The following HHIP variants were observed in gnomAD, a reference collection of about 807,000 sequenced individuals.
The protein encoded by HHIP is hedgehog-interacting protein.
A neutral mutation model predicts 74.0 loss-of-function variants in HHIP; 12 were observed. The observed-to-expected ratio is 0.16, with a 90% CI of 0.10 to 0.26. HHIP has a LOEUF of 0.26. Ranked by LOEUF, HHIP falls within the 10% of genes least tolerant of loss-of-function variation. The pLI is 1.00. For missense variants in HHIP, 788 were observed against 845.0 expected, an observed-to-expected ratio of 0.93 and a Z score of 0.84; for synonymous variants, 309 against 311.6, an observed-to-expected ratio of 0.99 and a Z score of 0.09.
chr4:144,743,255 A>G lies in HHIP; in HGVS notation c.*5298A>G, dbSNP rs1560729339. The stretch of plus-strand genomic sequence containing the variant: ...CATAGTGGTGGTTTTCCTAGCTGCT[A>G]TGGAAAGGTTTGTTCACTTATGAGA... On this transcript the variant is annotated 3_prime_UTR_variant, in exon 13 of 13. Transcript: ENST00000296575. 1 of 151,248 alleles carries G rather than the reference A, an allele frequency of 6.6e-6. No individual in the cohort carries two copies. The highest frequency in any genetic ancestry group is 1.5e-5 in the Non-Finnish European group (1 of 67,826). 9.4% of individuals were successfully genotyped at this position (151,248 alleles called of 1,614,324 possible). A position where few individuals can be genotyped will look rare whatever the true frequency, so the allele number is the denominator to read the frequency against.
chr4:144,666,327 C>A (rs1284478745), intron 4 of HHIP, among the ~76,000 whole-genome samples: 2 of 148,772 alleles, frequency 1.3e-5, no homozygotes, highest in Non-Finnish European at 3.0e-5. Context: ...ATTCTCTTAG[C>A]AAATTTCAAG....
At chr4:144,649,569 G>A (rs374156120) in intron 1 of HHIP, among the ~76,000 whole-genome samples, 12 of 151,994 alleles carry the variant, frequency 7.9e-5, no homozygotes, top group South Asian at 2.1e-4. Context: ...CAATATTTTC[G>A]CACTTTCTAA....
intron 2 of HHIP, among the ~76,000 whole-genome samples, chr4:144,654,690 C>G (rs756629942): frequency 9.2e-5 from 14 of 152,160 alleles, no homozygotes; most frequent in Non-Finnish European, 1.8e-4. Flanking sequence ...GCCCCCAGCA[C>G]AGAAGTGTCT....
intron 4 of HHIP, chr4:144,661,275 C>T (rs1728706677): frequency 6.6e-6 from 1 of 152,036 alleles, no homozygotes; most frequent in African/African-American, 2.4e-5. Context: ...ATAACAGTAC[C>T]TTGGTTCTGA....
At chr4:144,662,747 T>C (rs1209025550) in intron 4 of HHIP, among the ~76,000 whole-genome samples, 1 of 152,220 alleles carries the variant, frequency 6.6e-6, no homozygotes, top group African/African-American at 2.4e-5. Context: ...TCTGTTGTTA[T>C]CATTTTATTC....
rs914276114 is a variant in HHIP at position 144,744,699 on chromosome 4, C to G, written c.*6742C>G. ...AATCTTCTATTATTCAATCATCTATCCATTTATTAATTCAACAAATATTTA... is the reference window on the plus strand; with the variant it reads ...AATCTTCTATTATTCAATCATCTATGCATTTATTAATTCAACAAATATTTA... On this transcript the variant is annotated 3_prime_UTR_variant, in exon 13 of 13. Coordinates refer to ENST00000296575, the MANE Select transcript of HHIP (RefSeq NM_022475.3). 28 of 152,280 alleles carry G rather than the reference C, an allele frequency of 1.8e-4. No individual in the cohort carries two copies. Among genetic ancestry groups the G allele is most frequent in the African/African-American group, 6.5e-4 (27 of 41,546 alleles). 9.4% of individuals were successfully genotyped at this position (152,280 alleles called of 1,614,324 possible).
chr4:144,701,694 T>A (rs1276050197), intron 4 of HHIP, among the ~76,000 whole-genome samples: 1 of 152,212 alleles, frequency 6.6e-6, no homozygotes, highest in Non-Finnish European at 1.5e-5. Flanking sequence ...TAGTTGGCAG[T>A]AACAACTAAT....
At chr4:144,667,530 T>C (rs1728909242) in intron 4 of HHIP, among the ~76,000 whole-genome samples, 1 of 152,202 alleles carries the variant, frequency 6.6e-6, no homozygotes, top group South Asian at 2.1e-4. Flanking sequence ...TCTATTTAAA[T>C]GTGTTACTAG....
At chr4:144,708,897 T>C (rs1383059528) in intron 7 of HHIP, among the ~76,000 whole-genome samples, 1 of 152,136 alleles carries the variant, frequency 6.6e-6, no homozygotes, top group African/African-American at 2.4e-5. Context: ...TTTGAAAACA[T>C]TGCAAATACT....
At chr4:144,706,748 T>A in intron 5 of HHIP, 66 bp downstream of exon 5, 4 of 1,454,098 alleles carry the variant, frequency 2.8e-6, no homozygotes, top group Non-Finnish European at 3.7e-6. Flanking sequence ...TTTTCATAAG[T>A]TTTTTTATTT....
intron 4 of HHIP, among the ~76,000 whole-genome samples, chr4:144,665,288 C>T (rs1391715628): frequency 6.6e-6 from 1 of 152,116 alleles, no homozygotes. Context: ...AGGCTGTTCT[C>T]AAACTCCTGG....
intron 7 of HHIP, among the ~76,000 whole-genome samples, chr4:144,709,173 A>C (rs1461306125): frequency 6.6e-6 from 1 of 152,160 alleles, no homozygotes. Flanking sequence ...AATATTTCTC[A>C]AACTTTTTAT....
Position 144,738,300 on chromosome 4 carries a change from T to C in HHIP, c.*343T>C, listed in dbSNP as rs1731177228. 1 of 981,468 alleles carries C rather than the reference T, an allele frequency of 1.0e-6. No individual in the cohort carries two copies. The highest frequency in any genetic ancestry group is 1.2e-6 in the Non-Finnish European group (1 of 824,994). 60.8% of individuals were successfully genotyped at this position (981,468 alleles called of 1,614,324 possible). ...AGAGATTATTTGACTTCCCAGGAAT[T>C]TTCTGTCTGTAATCACTAAAGTCAA... On this transcript the variant is annotated 3_prime_UTR_variant, in exon 13 of 13. Transcript: ENST00000296575.
intron 4 of HHIP, among the ~76,000 whole-genome samples, chr4:144,679,880 T>C (rs1729288376): frequency 6.6e-6 from 1 of 152,238 alleles, no homozygotes; most frequent in Non-Finnish European, 1.5e-5. Flanking sequence ...TTAATATGCA[T>C]ATTAAAATCT....
rs1212317888 is a variant in HHIP at position 144,744,960 on chromosome 4, AC to A, written c.*7004del. The A allele has an allele frequency of 6.6e-6, 1 of 152,254 alleles. No homozygotes were observed. Among genetic ancestry groups the A allele is most frequent in the Non-Finnish European group, 1.5e-5 (1 of 68,044 alleles). 9.4% of individuals were successfully genotyped at this position (152,254 alleles called of 1,614,324 possible). ...CATGTATATATATTTATCTATCTGT[AC>A]AAACACTACATATGTATACACACTA... On this transcript the variant is annotated 3_prime_UTR_variant, in exon 13 of 13. Transcript: ENST00000296575.
chr4:144,662,769 A>T (rs1031696236), intron 4 of HHIP, among the ~76,000 whole-genome samples: 1 of 152,200 alleles, frequency 6.6e-6, no homozygotes, highest in Non-Finnish European at 1.5e-5. Flanking sequence ...AAAGGGCAAA[A>T]ATTACAAAAA....
chr4:144,690,466 G>A (rs542072300), intron 4 of HHIP, among the ~76,000 whole-genome samples: 2 of 152,268 alleles, frequency 1.3e-5, no homozygotes, highest in South Asian at 4.1e-4. Context: ...GCTGGAGCTG[G>A]TCTTAAACGA....
chr4:144,738,350 C>T lies in HHIP; in HGVS notation c.*393C>T, dbSNP rs1231524256. 1.0e-6 allele frequency: 1 copy of T among 979,120 alleles called. No individual in the cohort carries two copies. Among genetic ancestry groups the T allele is most frequent in the Non-Finnish European group, 1.2e-6 (1 of 823,934 alleles). The allele number at this position is 979,120 out of a possible 1,614,324, so 60.7% of individuals were successfully genotyped here. A position where few individuals can be genotyped will look rare whatever the true frequency, so the allele number is the denominator to read the frequency against. ...ACTTTAATAGAGTTTTGAAACAGTA[C>T]TGTGCAATCCGATGGATCTAATTAA... is the stretch of plus-strand genomic sequence containing the variant. On this transcript the variant is annotated 3_prime_UTR_variant, in exon 13 of 13. Coordinates refer to ENST00000296575, the MANE Select transcript of HHIP (RefSeq NM_022475.3).
intron 4 of HHIP, among the ~76,000 whole-genome samples, chr4:144,672,047 C>G (rs926399391): frequency 2.6e-5 from 4 of 151,968 alleles, no homozygotes; most frequent in Non-Finnish European, 2.9e-5. Flanking sequence ...TTCTACAATT[C>G]TGAGGAATGG....
Sources: allele counts gnomAD v4.1 joint callset (sites outside exome capture counted in the v4.1 genomes callset), GRCh38; gene constraint gnomAD v4.1.1; transcripts MANE v1.5; gene names NCBI Gene and HGNC (gene_info 2026-07-23, HGNC 2026-07-21).